The following VPS54 variants were observed in gnomAD, a reference collection of about 807,000 sequenced individuals.
The protein encoded by VPS54 is VPS54 subunit of GARP complex, also known as vacuolar protein sorting-associated protein 54.
VPS54 carries 45 observed loss-of-function variants against 121.5 expected under a neutral mutation model. That is an observed-to-expected ratio of 0.37 (90% confidence interval 0.29 to 0.47). The LOEUF is 0.47. VPS54 is among the 20% of genes least tolerant of loss of function. VPS54 has a pLI of 0.99. For synonymous variants in VPS54, 371 were observed against 385.8 expected (o/e 0.96, Z 0.45); for missense variants, 1,090 against 1,131.4 (o/e 0.96, Z 0.52).
intron 7 of VPS54, among the ~76,000 whole-genome samples, chr2:63,953,126 A>ATTTT (rs1194371865): frequency 4.2e-5 from 5 of 119,222 alleles, no homozygotes; most frequent in South Asian, 2.7e-4. Context: ...GAAATTTTTA[A>ATTTT]TTTTTTTTTT....
intron 3 of VPS54, among the ~76,000 whole-genome samples, chr2:63,973,593 G>A (rs916081175): frequency 3.9e-5 from 6 of 152,074 alleles, no homozygotes; most frequent in African/African-American, 1.4e-4. Context: ...GTCTAGTTCT[G>A]TTGCCCAGGC....
chr2:63,964,603 T>C (rs1322468542), intron 6 of VPS54, among the ~76,000 whole-genome samples: 2 of 152,224 alleles, frequency 1.3e-5, no homozygotes, highest in Admixed American at 6.5e-5. Flanking sequence ...TTCTTATGCA[T>C]GGAAAAACCT....
chr2:63,975,143 C>A (rs1676466066), intron 3 of VPS54: 3 of 937,452 alleles, frequency 3.2e-6, no homozygotes, highest in East Asian at 5.4e-5. Flanking sequence ...CCTCCTGGGT[C>A]CAAGTGATTC....
chr2:63,968,558 A>G (rs1030522456), intron 5 of VPS54, among the ~76,000 whole-genome samples: 8 of 152,182 alleles, frequency 5.3e-5, no homozygotes, highest in Admixed American at 2.0e-4. Context: ...CTAAAAATAC[A>G]AAACAAAAAA....
At chr2:64,013,407 A>G (rs946677258) in intron 1 of VPS54, among the ~76,000 whole-genome samples, 1 of 152,026 alleles carries the variant, frequency 6.6e-6, no homozygotes, top group Non-Finnish European at 1.5e-5. Context: ...AGACTTAAAG[A>G]GACATACCAG....
intron 22 of VPS54, 57 bp downstream of exon 22, chr2:63,897,439 C>T: frequency 8.2e-7 from 1 of 1,213,386 alleles, no homozygotes; most frequent in Admixed American, 2.2e-5. Context: ...ATAATCAAAA[C>T]TGATCATTAA....
chr2:63,961,435 T>C (rs1675764721), intron 7 of VPS54, among the ~76,000 whole-genome samples: 1 of 152,182 alleles, frequency 6.6e-6, no homozygotes, highest in Non-Finnish European at 1.5e-5. Context: ...TTTGGATGGT[T>C]TTCCCAGCAG....
At chr2:63,919,632 G>A (rs1057121819) in intron 15 of VPS54, among the ~76,000 whole-genome samples, 37 of 152,028 alleles carry the variant, frequency 2.4e-4, no homozygotes, top group Non-Finnish European at 7.4e-5. Flanking sequence ...ATCACAGATC[G>A]TTGTGAGAAT....
intron 9 of VPS54, among the ~76,000 whole-genome samples, chr2:63,945,741 C>G (rs1395985129): frequency 6.6e-6 from 1 of 152,038 alleles, no homozygotes; most frequent in Non-Finnish European, 1.5e-5. Context: ...AAAAGCAGAA[C>G]TATAATACTT....
intron 20 of VPS54, among the ~76,000 whole-genome samples, chr2:63,901,432 C>T (rs543950525): frequency 5.9e-5 from 9 of 152,286 alleles, no homozygotes; most frequent in Middle Eastern, 3.4e-3. Context: ...TTTAGGATAA[C>T]TGAAAACCCT....
intron 21 of VPS54, among the ~76,000 whole-genome samples, chr2:63,898,235 C>T (rs1046334830): frequency 6.6e-6 from 1 of 152,112 alleles, no homozygotes; most frequent in African/African-American, 2.4e-5. Context: ...ATGCCCAGCT[C>T]CCTGACCTGG....
At chr2:64,007,540 A>T (rs1387329383) in intron 1 of VPS54, among the ~76,000 whole-genome samples, 2 of 152,234 alleles carry the variant, frequency 1.3e-5, no homozygotes, top group East Asian at 3.8e-4. Context: ...AAAGCAGAGT[A>T]CTACTGTAAA....
intron 1 of VPS54, among the ~76,000 whole-genome samples, chr2:63,992,305 A>ATACT (rs1231535993): frequency 6.6e-6 from 1 of 152,238 alleles, no homozygotes; most frequent in Non-Finnish European, 1.5e-5. Flanking sequence ...AAAAAGTTTG[A>ATACT]GGGTTTAGTA....
chr2:63,955,065 T>A (rs1265677303), intron 7 of VPS54, among the ~76,000 whole-genome samples: 4 of 151,994 alleles, frequency 2.6e-5, no homozygotes, highest in Admixed American at 2.6e-4. Context: ...GTTATATTTT[T>A]AAAAAATCCT....
At chr2:63,970,167 A>C (rs1676198801) in intron 4 of VPS54, among the ~76,000 whole-genome samples, 1 of 149,746 alleles carries the variant, frequency 6.7e-6, no homozygotes, top group African/African-American at 2.5e-5. Flanking sequence ...TTATCTTTGT[A>C]TATAAACATG....
intron 20 of VPS54, among the ~76,000 whole-genome samples, chr2:63,903,542 C>T (rs138951002): frequency 6.6e-6 from 1 of 151,982 alleles, no homozygotes; most frequent in African/African-American, 2.4e-5. Flanking sequence ...TAAAAGATAA[C>T]TGATAATCTA....
Position 63,983,153 on chromosome 2 carries a change from A to AT in VPS54, c.136+710dup, listed in dbSNP as rs36020182. ...TCAATTTCCCAATCATTTCCAAATG[A>AT]TTTTTTTTTTTTTTTGAGAAACAGT... On this transcript the variant is annotated intron_variant, in intron 2 of 22. Transcript: ENST00000272322. Among the ~76,000 whole-genome samples the AT allele has an allele frequency of 4.6e-3, 671 of 144,392 alleles. 1 individual carries two copies. Among genetic ancestry groups the AT allele is most frequent in the South Asian group, 0.011 (52 of 4,580 alleles). The allele number at this position is 144,392 out of a possible 152,430, so 94.7% of individuals were successfully genotyped here. A position where few individuals can be genotyped will look rare whatever the true frequency, so the allele number is the denominator to read the frequency against.
intron 1 of VPS54, among the ~76,000 whole-genome samples, chr2:64,002,763 T>C (rs775621011): frequency 2.0e-5 from 3 of 152,232 alleles, no homozygotes; most frequent in African/African-American, 4.8e-5. Context: ...TTTTTTCCTA[T>C]ACCACTCTTA....
At chr2:63,995,293 G>A (rs530772684) in intron 1 of VPS54, among the ~76,000 whole-genome samples, 1 of 152,180 alleles carries the variant, frequency 6.6e-6, no homozygotes, top group South Asian at 2.1e-4. Context: ...GAATCAAACT[G>A]TCCAATGCAT....
Sources: allele counts gnomAD v4.1 joint callset (sites outside exome capture counted in the v4.1 genomes callset), GRCh38; gene constraint gnomAD v4.1.1; transcripts MANE v1.5; gene names NCBI Gene and HGNC (gene_info 2026-07-23, HGNC 2026-07-21).